Variants in KCNC1 observed in about 807,000 individuals in gnomAD.
KCNC1 encodes voltage-gated potassium channel KCNC1.
Under a neutral mutation model 43.4 loss-of-function variants are expected in KCNC1, and 8 were observed. The observed-to-expected ratio is 0.18, with a 90% CI of 0.11 to 0.33. KCNC1 has a LOEUF of 0.33. KCNC1 is among the 10% of genes least tolerant of loss of function. KCNC1 has a pLI of 1.00. For synonymous variants in KCNC1, 361 were observed against 360.5 expected, an observed-to-expected ratio of 1.00 and a Z score of -0.01; for missense variants, 420 against 836.0, an observed-to-expected ratio of 0.50 and a Z score of 6.14.
At chr11:17,754,584 C>T (rs1849004151) in intron 1 of KCNC1, among the ~76,000 whole-genome samples, 2 of 152,336 alleles carry the variant, frequency 1.3e-5, no homozygotes, top group South Asian at 2.1e-4. Context: ...ACATAGGACC[C>T]ATGTCCACGA....
intron 1 of KCNC1, among the ~76,000 whole-genome samples, chr11:17,767,853 T>A (rs1018014645): frequency 2.6e-5 from 4 of 152,178 alleles, no homozygotes; most frequent in African/African-American, 9.7e-5. Context: ...CTCCCCATCC[T>A]CCACTCCTTG....
In KCNC1 at chr11:17,776,283, T is replaced by C; in HGVS notation, c.1505-3173T>C. 4.1e-6 allele frequency: 4 copies of C among 985,398 alleles called. No homozygotes were observed. Among genetic ancestry groups the C allele is most frequent in the Non-Finnish European group, 4.8e-6 (4 of 829,952 alleles). 61.0% of individuals were successfully genotyped at this position (985,398 alleles called of 1,614,324 possible). On this transcript the variant is annotated intron_variant, in intron 2 of 3. Coordinates refer to ENST00000265969, the MANE Select transcript of KCNC1 (RefSeq NM_001112741.2). This position sits in a 1 kb window ranked among gnomAD's most constrained non-coding sequence, Gnocchi z 4.4. The stretch of plus-strand genomic sequence containing the variant: ...TTCTCGTGATTGTTCCCTGCTCGTG[T>C]CTCACAGACTGTCCCCATTTAGCCT...
At chr11:17,737,295 G>A (rs1848778979) in intron 1 of KCNC1, among the ~76,000 whole-genome samples, 1 of 152,168 alleles carries the variant, frequency 6.6e-6, no homozygotes, top group African/African-American at 2.4e-5. Context: ...GGAGGGTGTT[G>A]GAGTGGGTCA....
Position 17,735,633 on chromosome 11 carries a change from C to A in KCNC1, c.-370C>A, listed in dbSNP as rs1848754230. ...CCCCCAACCCATTTTCCCCACCTCCCGGGGCTCGCTGCTGAGCCCGCCCCC... is the reference window on the plus strand; with the variant it reads ...CCCCCAACCCATTTTCCCCACCTCCAGGGGCTCGCTGCTGAGCCCGCCCCC... On this transcript the variant is annotated 5_prime_UTR_variant, in exon 1 of 4. Transcript: ENST00000265969. The surrounding 1 kb of genome is among the most constrained non-coding windows in gnomAD (Gnocchi z 6.7). 5.3e-6 allele frequency: 1 copy of A among 188,740 alleles called. No homozygotes were observed. The highest frequency in any genetic ancestry group is 2.0e-4 in the South Asian group (1 of 4,986). 11.7% of individuals were successfully genotyped at this position (188,740 alleles called of 1,614,324 possible). A position where few individuals can be genotyped will look rare whatever the true frequency, so the allele number is the denominator to read the frequency against.
intron 1 of KCNC1, among the ~76,000 whole-genome samples, chr11:17,741,898 G>C (rs80060645): frequency 0.015 from 2,319 of 152,310 alleles, 53 homozygotes; most frequent in African/African-American, 0.052. Flanking sequence ...TCAAACAGCA[G>C]CTCCTCAGTG....
At chr11:17,760,914 A>C (rs1849070376) in intron 1 of KCNC1, among the ~76,000 whole-genome samples, 1 of 152,230 alleles carries the variant, frequency 6.6e-6, no homozygotes, top group Non-Finnish European at 1.5e-5. Context: ...GGGCCTGCCC[A>C]AGACTCAGGA....
At position 17,773,719 on chromosome 11, in the gene KCNC1, A is replaced by G. The variant is rs1849256461; in HGVS notation, c.1504+1121A>G. On this transcript the variant is annotated intron_variant, in intron 2 of 3. Transcript: ENST00000265969. The surrounding 1 kb of genome is among the most constrained non-coding windows in gnomAD (Gnocchi z 4.1). ...GCTCTGGTCCGAAGATATAAAGCCC[A>G]TAGTCTACCTCTACCCATGGAATAC... is the stretch of plus-strand genomic sequence containing the variant. 1 of 985,374 alleles carries G rather than the reference A, an allele frequency of 1.0e-6. No homozygotes were observed. The highest frequency in any genetic ancestry group is 1.2e-6 in the Non-Finnish European group (1 of 829,964). The allele number at this position is 985,374 out of a possible 1,614,324, so 61.0% of individuals were successfully genotyped here. A position where few individuals can be genotyped will look rare whatever the true frequency, so the allele number is the denominator to read the frequency against.
intron 1 of KCNC1, among the ~76,000 whole-genome samples, chr11:17,757,407 AC>A (rs1168381836): frequency 6.6e-6 from 1 of 152,078 alleles, no homozygotes; most frequent in Non-Finnish European, 1.5e-5. Flanking sequence ...TCTTCTGATG[AC>A]CCCAGAGGGC....
At chr11:17,751,369 A>C (rs1489279598) in intron 1 of KCNC1, among the ~76,000 whole-genome samples, 7 of 152,238 alleles carry the variant, frequency 4.6e-5, no homozygotes. Context: ...TGAAGGAGAC[A>C]CAGCTGGGTG....
chr11:17,781,486 G>C lies in KCNC1; in HGVS notation c.1694-184G>C. On this transcript the variant is annotated intron_variant, in intron 3 of 3. Coordinates refer to ENST00000265969, the MANE Select transcript of KCNC1 (RefSeq NM_001112741.2). The surrounding 1 kb of genome is among the most constrained non-coding windows in gnomAD (Gnocchi z 5.1). The stretch of plus-strand genomic sequence containing the variant: ...GGGACTCATCCCATTCCCCCAGGAG[G>C]GAGAGAAAGAGGCGTGCTAGGCTGG... The C allele has an allele frequency of 1.7e-6, 1 of 580,568 alleles. No homozygotes were observed. The highest frequency in any genetic ancestry group is 2.9e-5 in the East Asian group (1 of 34,490). The allele number at this position is 580,568 out of a possible 1,614,324, so 36.0% of individuals were successfully genotyped here.
chr11:17,745,762 C>A lies in KCNC1; in HGVS notation c.570+9190C>A, dbSNP rs142960464. ...TGCGCTGGTCCCTCCACCTGGCATG[C>A]TTTTCCCTTGGGTATCAGCTCTCAC... On this transcript the variant is annotated intron_variant, in intron 1 of 3. Transcript: ENST00000265969. Among the ~76,000 whole-genome samples, 43 of 152,316 alleles carry A rather than the reference C, an allele frequency of 2.8e-4. No homozygotes were observed. In the East Asian group the frequency reaches 8.3e-3, roughly 29 times the overall value.
intron 1 of KCNC1, among the ~76,000 whole-genome samples, chr11:17,763,188 C>A (rs972621719): frequency 1.3e-5 from 2 of 152,020 alleles, no homozygotes; most frequent in Admixed American, 1.3e-4. Flanking sequence ...CTGGCTCTGG[C>A]TCTCCCCCTT....
chr11:17,780,615 G>C (rs781706141), intron 3 of KCNC1: 2 of 152,490 alleles, frequency 1.3e-5, no homozygotes, highest in Non-Finnish European at 2.9e-5. Context: ...AGCAGGCTGG[G>C]TCAGAAGAGG....
rs542528030 is a variant in KCNC1, at chr11:17,763,716, C to G, written c.571-7949C>G. Among the ~76,000 whole-genome samples, 673 of 138,812 alleles carry G rather than the reference C, an allele frequency of 4.8e-3. 10 individuals are homozygous for G. Among genetic ancestry groups the G allele is most frequent in the Non-Finnish European group, 7.1e-3 (453 of 64,254 alleles). 91.1% of individuals were successfully genotyped at this position (138,812 alleles called of 152,430 possible). On this transcript the variant is annotated intron_variant, in intron 1 of 3. Transcript: ENST00000265969. ...TACACACCCTCACCCACACACACCC[C>G]CACACACCTCCCCACACATGTTCAT...
intron 1 of KCNC1, among the ~76,000 whole-genome samples, chr11:17,769,940 A>G (rs1202863548): frequency 6.6e-6 from 1 of 152,208 alleles, no homozygotes; most frequent in Non-Finnish European, 1.5e-5. Context: ...GATCATATCT[A>G]CAGGCTACTC....
rs1848853021 is a variant in KCNC1 at position 17,742,316 on chromosome 11, T to G, written c.570+5744T>G. Among the ~76,000 whole-genome samples the G allele has an allele frequency of 6.7e-6, 1 of 148,602 alleles. No individual in the cohort carries two copies. Among genetic ancestry groups the G allele is most frequent in the African/African-American group, 2.5e-5 (1 of 40,036 alleles). On this transcript the variant is annotated intron_variant, in intron 1 of 3. Coordinates refer to ENST00000265969, the MANE Select transcript of KCNC1 (RefSeq NM_001112741.2). This position sits in a 1 kb window ranked among gnomAD's most constrained non-coding sequence, Gnocchi z 4.2. ...TGAAGTCTATCAAGGAGGGAGGTGG[T>G]GGTTGTCTCAGAGGTGGGGGAGGGG... is the stretch of plus-strand genomic sequence containing the variant.
In KCNC1 at chr11:17,739,872, TGA is replaced by T. The variant is rs1565154027; in HGVS notation, c.570+3308_570+3309del. 6.6e-6 allele frequency among the ~76,000 whole-genome samples: 1 copy of T among 152,094 alleles called. No individual in the cohort carries two copies. Among genetic ancestry groups the T allele is most frequent in the South Asian group, 2.1e-4 (1 of 4,800 alleles). On this transcript the variant is annotated intron_variant, in intron 1 of 3. Coordinates refer to ENST00000265969, the MANE Select transcript of KCNC1 (RefSeq NM_001112741.2). The surrounding 1 kb of genome is among the most constrained non-coding windows in gnomAD (Gnocchi z 4.2). Reference sequence around the variant, plus strand: ...TGTGTGTCAGTGTGCTGTGTGTATGTGAGAGAGAGGTCCTGTGCATCCCGAGT... The same window carrying T: ...TGTGTGTCAGTGTGCTGTGTGTATGTGAGAGAGGTCCTGTGCATCCCGAGT...
intron 1 of KCNC1, among the ~76,000 whole-genome samples, chr11:17,756,748 G>A (rs574862952): frequency 6.6e-6 from 1 of 152,252 alleles, no homozygotes; most frequent in Non-Finnish European, 1.5e-5. Context: ...TGGGGGGCGG[G>A]GGTGTGTGTG....
In KCNC1 at chr11:17,736,052, C is replaced by T. The variant is rs1848761819; in HGVS notation, c.50C>T (p.Thr17Met). ...CGCATCGTGATCAACGTGGGCGGCA[C>T]GCGCCACCAGACGTACCGCTCGACC... ...SERIVINVGG[T>M]RHQTYRSTLR... Residue 17 changes from threonine to methionine, a missense_variant, in exon 1 of 4, where the codon ACG (threonine) becomes ATG (methionine). Physicochemically the swap from Thr to Met is moderately conservative, Grantham distance 81 (BLOSUM62 -1). This residue lies in a region of KCNC1 where 42 missense variants were observed against 81.5 expected (regional missense o/e 0.52). Coordinates refer to ENST00000265969, the MANE Select transcript of KCNC1 (RefSeq NM_001112741.2). The surrounding 1 kb of genome is among the most constrained non-coding windows in gnomAD (Gnocchi z 9.3). The T allele has an allele frequency of 6.3e-7, 1 of 1,576,206 alleles. No individual in the cohort carries two copies.
Sources: gnomAD v4.1 joint callset for allele counts (sites outside exome capture counted in the v4.1 genomes callset) on GRCh38, gnomAD v4.1.1 for gene constraint, gnomAD v4.1.1 regional missense constraint, Gnocchi (gnomAD v3.1) non-coding constraint, MANE v1.5 for transcripts, NCBI Gene and HGNC (gene_info 2026-07-23, HGNC 2026-07-21) for gene names.